Variants in TMEM17 observed in about 807,000 individuals in gnomAD.
TMEM17 encodes transmembrane protein 17.
Under a neutral mutation model 19.1 loss-of-function variants are expected in TMEM17, and 15 were observed. The observed-to-expected ratio is 0.78, with a 90% CI of 0.52 to 1.21. TMEM17 has a LOEUF of 1.21. Among genes scored for constraint, TMEM17 ranks in the 50% most tolerant of loss-of-function variants. The probability of loss-of-function intolerance (pLI) is 0.00; values close to 1 mark genes in which losing one functional copy is unlikely to be tolerated. For missense variants in TMEM17, 245 were observed against 242.3 expected, an observed-to-expected ratio of 1.01 and a Z score of -0.07; for synonymous variants, 103 against 86.9, an observed-to-expected ratio of 1.19 and a Z score of -1.03.
chr2:62,495,441 G>T (rs1349906603), downstream of TMEM17, among the ~76,000 whole-genome samples: 2 of 152,080 alleles, frequency 1.3e-5, no homozygotes, highest in African/African-American at 4.8e-5. Context: ...AAGATTTTTA[G>T]GATGATTCTT....
downstream of TMEM17, among the ~76,000 whole-genome samples, chr2:62,496,428 G>A (rs1679779705): frequency 6.6e-6 from 1 of 152,192 alleles, no homozygotes; most frequent in Non-Finnish European, 1.5e-5. Context: ...TAGGAGAGAA[G>A]TTAAATAAAT....
At chr2:62,463,636 C>A in the TMEM17 span, among the ~76,000 whole-genome samples, 16 of 152,104 alleles carry the variant, frequency 1.1e-4, no homozygotes, top group East Asian at 1.9e-4. Context: ...GCATGAGGTA[C>A]CTGCTAGTGA....
the TMEM17 span, among the ~76,000 whole-genome samples, chr2:62,461,955 T>TG: frequency 6.6e-6 from 1 of 152,260 alleles, no homozygotes; most frequent in African/African-American, 2.4e-5. Flanking sequence ...GTCTAGGTCC[T>TG]GGGCATTCGG....
chr2:62,473,667 G>A, the TMEM17 span, among the ~76,000 whole-genome samples: 2 of 152,204 alleles, frequency 1.3e-5, no homozygotes, highest in East Asian at 1.9e-4. Flanking sequence ...ATCATGGTGA[G>A]CAGGTGGGCA....
At chr2:62,456,748 G>C in the TMEM17 span, among the ~76,000 whole-genome samples, 1 of 152,238 alleles carries the variant, frequency 6.6e-6, no homozygotes, top group South Asian at 2.1e-4. Context: ...TCTGGAGGTA[G>C]GCCCTGGAGG....
the TMEM17 span, among the ~76,000 whole-genome samples, chr2:62,473,105 C>A: frequency 6.6e-6 from 1 of 152,206 alleles, no homozygotes; most frequent in Admixed American, 6.5e-5. Context: ...GATTTACTAT[C>A]CCCTCCCTCT....
chr2:62,501,646 T>A lies in TMEM17; in HGVS notation c.319-159A>T, dbSNP rs113410807. On this transcript the variant is annotated intron_variant, in intron 3 of 3. Transcript: ENST00000335390. ...GTCCTTGTCCTCAGAGAACTTACAG[T>A]CTAGATGAGAAAACTAATTCATGTA... 75 of 685,428 alleles carry A rather than the reference T, an allele frequency of 1.1e-4. No individual in the cohort carries two copies. The African/African-American group carries it at 1.3e-3, about 12-fold the overall frequency. The allele number at this position is 685,428 out of a possible 1,614,324, so 42.5% of individuals were successfully genotyped here.
At chr2:62,473,850 C>T in the TMEM17 span, among the ~76,000 whole-genome samples, 2 of 152,334 alleles carry the variant, frequency 1.3e-5, no homozygotes, top group Middle Eastern at 6.8e-3. Flanking sequence ...GCTTTGGAAA[C>T]TTTCAGAAGA....
At chr2:62,501,633 A>G (rs2103729285) in intron 3 of TMEM17, 146 bp from the exon 4 acceptor site, 5 of 774,434 alleles carry the variant, frequency 6.5e-6, no homozygotes, top group Middle Eastern at 3.4e-4. Context: ...CCTTGTCCTC[A>G]GAGAACTTAC....
chr2:62,466,771 G>A, the TMEM17 span, among the ~76,000 whole-genome samples: 1 of 152,210 alleles, frequency 6.6e-6, no homozygotes. Context: ...GGGAGCTACA[G>A]CAGTAGAAGG....
chr2:62,492,863 C>A, the TMEM17 span, among the ~76,000 whole-genome samples: 10 of 152,198 alleles, frequency 6.6e-5, no homozygotes, highest in Middle Eastern at 3.4e-3. Context: ...GCAGACAGAG[C>A]AGTTTGGAGG....
chr2:62,472,060 C>T, the TMEM17 span, among the ~76,000 whole-genome samples: 1 of 152,086 alleles, frequency 6.6e-6, no homozygotes, highest in Non-Finnish European at 1.5e-5. Context: ...GTTTCAGCCT[C>T]GGCAGCAGGT....
the TMEM17 span, among the ~76,000 whole-genome samples, chr2:62,486,717 G>T: frequency 6.6e-6 from 1 of 152,192 alleles, no homozygotes; most frequent in Non-Finnish European, 1.5e-5. Flanking sequence ...AGGATGCAAG[G>T]ATCATCTGCC....
chr2:62,487,426 C>T, the TMEM17 span, among the ~76,000 whole-genome samples: 1 of 152,214 alleles, frequency 6.6e-6, no homozygotes, highest in Non-Finnish European at 1.5e-5. Context: ...AAGCTCAGTT[C>T]CATCTGCAAA....
chr2:62,466,464 G>A, the TMEM17 span, among the ~76,000 whole-genome samples: 1 of 152,352 alleles, frequency 6.6e-6, no homozygotes, highest in East Asian at 1.9e-4. Context: ...CAAATGCGAT[G>A]TGAGTGTGAC....
chr2:62,482,349 A>G, the TMEM17 span, among the ~76,000 whole-genome samples: 17 of 152,356 alleles, frequency 1.1e-4, no homozygotes, highest in South Asian at 2.3e-3. Flanking sequence ...ATGCCTTTAT[A>G]TAAGTTATTT....
At chr2:62,455,258 A>G in the TMEM17 span, among the ~76,000 whole-genome samples, 3 of 152,082 alleles carry the variant, frequency 2.0e-5, no homozygotes, top group African/African-American at 7.2e-5. Flanking sequence ...GCTTAGTGTA[A>G]TGTTCTTGAG....
chr2:62,461,048 T>C, the TMEM17 span, among the ~76,000 whole-genome samples: 38,612 of 152,106 alleles, frequency 0.25, 7,056 homozygotes, highest in African/African-American at 0.52. Context: ...TGAGACAGAC[T>C]GGGACCCAGA....
the TMEM17 span, among the ~76,000 whole-genome samples, chr2:62,486,112 G>C: frequency 6.6e-6 from 1 of 152,202 alleles, no homozygotes; most frequent in Non-Finnish European, 1.5e-5. Context: ...CAGGAATGTG[G>C]GTCAGAGTGG....
Sources: allele counts gnomAD v4.1 joint callset (sites outside exome capture counted in the v4.1 genomes callset), GRCh38; gene constraint gnomAD v4.1.1; transcripts MANE v1.5; gene names NCBI Gene and HGNC (gene_info 2026-07-23, HGNC 2026-07-21).